Variants in ZNF398 observed in about 807,000 individuals in gnomAD.
ZNF398 encodes the protein zinc finger protein 398.
ZNF398 carries 18 observed loss-of-function variants against 41.9 expected under a neutral mutation model. That is an observed-to-expected ratio of 0.43 (90% CI 0.30 to 0.64). The LOEUF (loss-of-function observed/expected upper bound fraction) is 0.64, where lower values mean the gene tolerates loss of function less well. ZNF398 is among the 30% of genes least tolerant of loss of function. ZNF398 has a pLI of 0.14. For synonymous variants in ZNF398, 260 were observed against 308.8 expected (o/e 0.84, Z 1.66); for missense variants, 669 against 822.8 (o/e 0.81, Z 2.29).
chr7:149,168,156 G>T (rs1346386849), intron 4 of ZNF398, among the ~76,000 whole-genome samples: 1 of 152,048 alleles, frequency 6.6e-6, no homozygotes, highest in Non-Finnish European at 1.5e-5. Flanking sequence ...TTGGCTCACT[G>T]CAACCTCCAC....
At chr7:149,140,544 C>A (rs149243823) in intron 2 of ZNF398, among the ~76,000 whole-genome samples, 1 of 151,976 alleles carries the variant, frequency 6.6e-6, no homozygotes, top group African/African-American at 2.4e-5. Context: ...CCACTATGCC[C>A]GGCTAACTTT....
At chr7:149,161,831 T>C (rs1033624036) in intron 2 of ZNF398, among the ~76,000 whole-genome samples, 1 of 148,434 alleles carries the variant, frequency 6.7e-6, no homozygotes. Flanking sequence ...AAAGGGGAAT[T>C]GTTAAAAGCC....
At chr7:149,136,978 T>C (rs2129519429) in intron 2 of ZNF398, among the ~76,000 whole-genome samples, 1 of 152,024 alleles carries the variant, frequency 6.6e-6, no homozygotes, top group East Asian at 1.9e-4. Context: ...GTGATTCTCT[T>C]GCCTCAGCCT....
At chr7:149,127,547 A>T (rs6464939) in intron 1 of ZNF398, among the ~76,000 whole-genome samples, 1 of 118,468 alleles carries the variant, frequency 8.4e-6, no homozygotes, top group Non-Finnish European at 1.7e-5. Context: ...TACTAAAAAT[A>T]CAAAAAAAAA....
rs1795583905 is a variant in ZNF398, at chr7:149,181,278, G to A, written c.*1477G>A. ...AGCTAAATAAGACAGCAAAGTCAAA[G>A]CAGATAAATTCTTGTTGAAACTTGA... On this transcript the variant is annotated 3_prime_UTR_variant, in exon 6 of 6. Transcript: ENST00000475153. 1 of 152,432 alleles carries A rather than the reference G, an allele frequency of 6.6e-6. No individual in the cohort carries two copies. The highest frequency in any genetic ancestry group is 6.5e-5 in the Admixed American group (1 of 15,276). The allele number at this position is 152,432 out of a possible 1,614,324, so 9.4% of individuals were successfully genotyped here.
intron 2 of ZNF398, among the ~76,000 whole-genome samples, chr7:149,133,760 T>G (rs189194555): frequency 7.3e-4 from 107 of 147,218 alleles, no homozygotes; most frequent in African/African-American, 2.4e-3. Flanking sequence ...GATTTTTTTT[T>G]TTTGTTTTTT....
chr7:149,146,687 TAA>T (rs918364019), upstream of ZNF398, among the ~76,000 whole-genome samples: 1 of 143,772 alleles, frequency 7.0e-6, no homozygotes, highest in African/African-American at 2.6e-5. Context: ...CGTCTCCACT[TAA>T]AAAAAAAAAA....
upstream of ZNF398, among the ~76,000 whole-genome samples, chr7:149,142,834 G>A (rs79144511): frequency 7.5e-4 from 114 of 152,230 alleles, no homozygotes; most frequent in African/African-American, 2.5e-3. Flanking sequence ...AGAAAAATTT[G>A]TGGAATGTAA....
chr7:149,143,206 G>C (rs891846004), upstream of ZNF398, among the ~76,000 whole-genome samples: 1 of 152,158 alleles, frequency 6.6e-6, no homozygotes, highest in African/African-American at 2.4e-5. Context: ...AAACTGTCTT[G>C]TTTTACAAGA....
At chr7:149,163,083 G>C (rs992236976) in intron 2 of ZNF398, among the ~76,000 whole-genome samples, 6 of 152,242 alleles carry the variant, frequency 3.9e-5, no homozygotes, top group African/African-American at 1.4e-4. Flanking sequence ...AGGTGTGACA[G>C]TTGGCTGAGA....
chr7:149,178,644 T>C lies in ZNF398; in HGVS notation c.776-4T>C. 2 of 1,610,062 alleles carry C rather than the reference T, an allele frequency of 1.2e-6. No homozygotes were observed. The highest frequency in any genetic ancestry group is 2.2e-5 in the East Asian group (1 of 44,846). Reference sequence around the variant, plus strand: ...GGGTATAACTCTGGAGTCTTTTCTTTCAGATGAAGAGCTTGTCATCAAAGC... The same window carrying C: ...GGGTATAACTCTGGAGTCTTTTCTTCCAGATGAAGAGCTTGTCATCAAAGC... On this transcript the variant is annotated splice_polypyrimidine_tract_variant and splice_region_variant and intron_variant, in intron 5 of 5. Coordinates refer to ENST00000475153, the MANE Select transcript of ZNF398 (RefSeq NM_170686.3).
At chr7:149,155,534 A>T (rs527814973) in intron 2 of ZNF398, among the ~76,000 whole-genome samples, 63 of 152,132 alleles carry the variant, frequency 4.1e-4, no homozygotes, top group African/African-American at 1.4e-3. Context: ...ATAATTTTTT[A>T]AAAACCTCCA....
chr7:149,151,179 C>T, intron 1 of ZNF398: 2 of 1,148,458 alleles, frequency 1.7e-6, no homozygotes, highest in Non-Finnish European at 2.2e-6. Flanking sequence ...TATGTGGTGA[C>T]AGCAGTTTAC....
chr7:149,165,352 A>G (rs1308644478), intron 2 of ZNF398, among the ~76,000 whole-genome samples: 1 of 152,228 alleles, frequency 6.6e-6, no homozygotes, highest in Non-Finnish European at 1.5e-5. Flanking sequence ...CATATGCTTC[A>G]TGAATGTATC....
intron 1 of ZNF398, among the ~76,000 whole-genome samples, chr7:149,148,668 G>C (rs970764156): frequency 6.6e-6 from 1 of 152,080 alleles, no homozygotes; most frequent in African/African-American, 2.4e-5. Context: ...TGGGATGGTA[G>C]CGATGATCCT....
At chr7:149,163,197 T>C (rs1298732155) in intron 2 of ZNF398, among the ~76,000 whole-genome samples, 2 of 149,964 alleles carry the variant, frequency 1.3e-5, no homozygotes, top group African/African-American at 2.4e-5. Flanking sequence ...ATACCTGTTT[T>C]GTTTGTTTGT....
intron 2 of ZNF398, among the ~76,000 whole-genome samples, chr7:149,157,125 T>A (rs1794996790): frequency 6.6e-6 from 1 of 152,058 alleles, no homozygotes; most frequent in Admixed American, 6.6e-5. Flanking sequence ...TTGAGGGGAA[T>A]ACCTTGGGAA....
Position 149,147,788 on chromosome 7 carries a change from T to G in ZNF398, c.24+22T>G, listed in dbSNP as rs1585512125. Reference sequence around the variant, plus strand: ...CCCGGTAAGGGCGGCCGCGCGCGAGTGTTGTGAGCCCCCGAGACCCAGACC... The same window carrying G: ...CCCGGTAAGGGCGGCCGCGCGCGAGGGTTGTGAGCCCCCGAGACCCAGACC... On this transcript the variant is annotated intron_variant, in intron 1 of 5. Coordinates refer to ENST00000475153, the MANE Select transcript of ZNF398 (RefSeq NM_170686.3). This position sits in a 1 kb window ranked among gnomAD's most constrained non-coding sequence, Gnocchi z 5.6. The G allele has an allele frequency of 2.2e-6, 3 of 1,384,076 alleles. No homozygotes were observed. The highest frequency in any genetic ancestry group is 1.6e-5 in the South Asian group (1 of 62,116). The allele number at this position is 1,384,076 out of a possible 1,614,324, so 85.7% of individuals were successfully genotyped here.
intron 2 of ZNF398, among the ~76,000 whole-genome samples, chr7:149,163,416 A>T (rs1473122707): frequency 6.8e-6 from 1 of 146,686 alleles, no homozygotes; most frequent in Non-Finnish European, 1.5e-5. Context: ...CTTGTCGTGC[A>T]GGCTGAAGTA....
Sources: gnomAD v4.1 joint callset for allele counts (sites outside exome capture counted in the v4.1 genomes callset) on GRCh38, gnomAD v4.1.1 for gene constraint, Gnocchi (gnomAD v3.1) non-coding constraint, MANE v1.5 for transcripts, NCBI Gene and HGNC (gene_info 2026-07-23, HGNC 2026-07-21) for gene names.